Variants in ATF7 observed in about 807,000 individuals in gnomAD.
The protein encoded by ATF7 is activating transcription factor 7.
ATF7 carries 10 observed loss-of-function variants against 50.4 expected under a neutral mutation model. The observed-to-expected ratio is 0.20, with a 90% confidence interval of 0.12 to 0.34. ATF7 has a LOEUF of 0.34. ATF7 is among the 10% of genes least tolerant of loss of function. The probability of loss-of-function intolerance (pLI) is 1.00; values close to 1 mark genes in which losing one functional copy is unlikely to be tolerated. For synonymous variants in ATF7, 201 were observed against 226.4 expected, an observed-to-expected ratio of 0.89 and a Z score of 1.01; for missense variants, 465 against 613.9, an observed-to-expected ratio of 0.76 and a Z score of 2.56.
chr12:53,560,482 C>T (rs548302304), intron 2 of ATF7, among the ~76,000 whole-genome samples: 10 of 152,240 alleles, frequency 6.6e-5, no homozygotes, highest in Non-Finnish European at 1.0e-4. Flanking sequence ...CACAAGCATA[C>T]GGGGATTAGG....
At chr12:53,581,111 C>CAA (rs111501520) in intron 2 of ATF7, among the ~76,000 whole-genome samples, 4 of 137,112 alleles carry the variant, frequency 2.9e-5, no homozygotes, top group Non-Finnish European at 4.8e-5. Context: ...GATTCCATCT[C>CAA]AAAAAAAAAA....
At chr12:53,570,156 T>A (rs1054744787) in intron 2 of ATF7, among the ~76,000 whole-genome samples, 2 of 152,190 alleles carry the variant, frequency 1.3e-5, no homozygotes, top group Non-Finnish European at 2.9e-5. Flanking sequence ...TACAAAGGAT[T>A]TGTGTGCACT....
At chr12:53,538,560 G>A (rs936953783) in intron 4 of ATF7, among the ~76,000 whole-genome samples, 2 of 152,168 alleles carry the variant, frequency 1.3e-5, no homozygotes, top group Non-Finnish European at 2.9e-5. Context: ...ACAGAACTGT[G>A]GAGCTGTAAA....
At chr12:53,589,989 G>A (rs964206044) in intron 2 of ATF7, among the ~76,000 whole-genome samples, 4 of 151,808 alleles carry the variant, frequency 2.6e-5, no homozygotes, top group African/African-American at 9.7e-5. Flanking sequence ...GGCTGATCTC[G>A]AACCCCTGGC....
intron 3 of ATF7, among the ~76,000 whole-genome samples, chr12:53,550,192 T>C (rs1021328043): frequency 1.3e-5 from 2 of 151,478 alleles, no homozygotes; most frequent in Non-Finnish European, 2.9e-5. Context: ...TCGGTAGTGG[T>C]GCGCGCCTAC....
chr12:53,583,821 T>C (rs1189240553), intron 2 of ATF7, among the ~76,000 whole-genome samples: 1 of 152,052 alleles, frequency 6.6e-6, no homozygotes, highest in Non-Finnish European at 1.5e-5. Flanking sequence ...TCATACAAAA[T>C]ACACAAAGAA....
intron 2 of ATF7, among the ~76,000 whole-genome samples, chr12:53,555,738 G>A (rs780912648): frequency 1.3e-5 from 2 of 151,964 alleles, no homozygotes; most frequent in Non-Finnish European, 1.5e-5. Flanking sequence ...TCGAATTCCC[G>A]ACCTCAGGTG....
chr12:53,541,408 T>C (rs923297950), intron 4 of ATF7, among the ~76,000 whole-genome samples: 3 of 152,190 alleles, frequency 2.0e-5, no homozygotes, highest in African/African-American at 7.2e-5. Flanking sequence ...ATTTTAAAAA[T>C]AGTGACCAAT....
intron 11 of ATF7, among the ~76,000 whole-genome samples, chr12:53,521,622 T>C (rs1938134811): frequency 6.6e-6 from 1 of 152,244 alleles, no homozygotes; most frequent in African/African-American, 2.4e-5. Flanking sequence ...TGCTAACATT[T>C]CATATTACCC....
At chr12:53,559,963 C>T (rs7298027) in intron 2 of ATF7, among the ~76,000 whole-genome samples, 72,485 of 151,704 alleles carry the variant, frequency 0.48, 17,445 homozygotes, top group East Asian at 0.74. Context: ...GCTCTTGTTG[C>T]CCAGGCTGGA....
chr12:53,550,384 T>G (rs1476329188), intron 3 of ATF7, among the ~76,000 whole-genome samples: 2 of 148,300 alleles, frequency 1.3e-5, no homozygotes, highest in Non-Finnish European at 3.0e-5. Context: ...TATAAATAAA[T>G]AAAGAGAAAA....
chr12:53,602,246 C>A (rs1274497105), intron 1 of ATF7, among the ~76,000 whole-genome samples: 2 of 152,062 alleles, frequency 1.3e-5, no homozygotes, highest in Admixed American at 6.6e-5. Context: ...TTTGAATATG[C>A]CTGCAAGTGA....
chr12:53,620,863 G>GAA (rs35769800), intron 1 of ATF7, among the ~76,000 whole-genome samples: 10 of 149,600 alleles, frequency 6.7e-5, no homozygotes, highest in Admixed American at 2.7e-4. Context: ...ATTTGAAAAT[G>GAA]AAAAAAAAAC....
At chr12:53,568,025 G>A (rs1234208888) in intron 2 of ATF7, among the ~76,000 whole-genome samples, 1 of 152,172 alleles carries the variant, frequency 6.6e-6, no homozygotes, top group Non-Finnish European at 1.5e-5. Context: ...TCTCACAAAT[G>A]GGTGGGAAGG....
At chr12:53,533,343 G>A (rs1939019169) in intron 6 of ATF7, 84 bp from the exon 7 acceptor site, 4 of 1,167,666 alleles carry the variant, frequency 3.4e-6, no homozygotes, top group Non-Finnish European at 5.0e-6. Context: ...AGATTTTCCA[G>A]TCTTCTCTAG....
At chr12:53,569,036 T>C (rs1941608614) in intron 2 of ATF7, among the ~76,000 whole-genome samples, 1 of 152,104 alleles carries the variant, frequency 6.6e-6, no homozygotes, top group South Asian at 2.1e-4. Flanking sequence ...CACATGCCTG[T>C]AGTCCCAGCT....
intron 2 of ATF7, among the ~76,000 whole-genome samples, chr12:53,599,535 A>G (rs1456410059): frequency 6.6e-6 from 1 of 152,030 alleles, no homozygotes; most frequent in Non-Finnish European, 1.5e-5. Flanking sequence ...AAACTTTGAC[A>G]TGAAAGGAAA....
At chr12:53,610,913 G>A (rs541213014) in intron 1 of ATF7, among the ~76,000 whole-genome samples, 1 of 151,882 alleles carries the variant, frequency 6.6e-6, no homozygotes, top group African/African-American at 2.4e-5. Flanking sequence ...CTACAGCCTC[G>A]ACCTCCTAGT....
At chr12:53,619,847 C>G (rs918936044) in intron 1 of ATF7, among the ~76,000 whole-genome samples, 5 of 151,778 alleles carry the variant, frequency 3.3e-5, no homozygotes, top group Admixed American at 1.3e-4. Context: ...AGAATTTCAT[C>G]TAATGTCAAA....
Sources: gnomAD v4.1 joint callset for allele counts (sites outside exome capture counted in the v4.1 genomes callset) on GRCh38, gnomAD v4.1.1 for gene constraint, MANE v1.5 for transcripts, NCBI Gene and HGNC (gene_info 2026-07-23, HGNC 2026-07-21) for gene names.